The following CEP112 variants were observed in gnomAD, a reference collection of about 807,000 sequenced individuals.
CEP112 encodes the protein centrosomal protein 112, also known as centrosomal protein of 112 kDa.
Under a neutral mutation model 153.0 loss-of-function variants are expected in CEP112, and 127 were observed. That is an observed-to-expected ratio of 0.83 (90% confidence interval 0.72 to 0.96). CEP112 has a LOEUF of 0.96. Ranked by LOEUF, CEP112 falls within the 40% of genes least tolerant of loss-of-function variation. The pLI, the probability that CEP112 is intolerant of heterozygous loss-of-function variation, is 0.00. For synonymous variants in CEP112, 358 were observed against 374.4 expected (o/e 0.96, Z 0.51); for missense variants, 1,089 against 1,101.2 (o/e 0.99, Z 0.16).
At chr17:66,060,880 G>A (rs1437269568) in intron 11 of CEP112, among the ~76,000 whole-genome samples, 1 of 124,500 alleles carries the variant, frequency 8.0e-6, no homozygotes, top group Non-Finnish European at 1.7e-5. Flanking sequence ...CAAAGCACAG[G>A]CAACAAAAGC....
At chr17:65,710,556 T>C (rs574379662) in intron 23 of CEP112, among the ~76,000 whole-genome samples, 1 of 152,258 alleles carries the variant, frequency 6.6e-6, no homozygotes, top group South Asian at 2.1e-4. Context: ...TTGCCCTAAA[T>C]GGTATGTTTA....
At chr17:66,012,537 A>T (rs2064578888) in intron 16 of CEP112, among the ~76,000 whole-genome samples, 1 of 152,178 alleles carries the variant, frequency 6.6e-6, no homozygotes, top group African/African-American at 2.4e-5. Flanking sequence ...CTTTTCCTTA[A>T]GAATGCTGAA....
intron 17 of CEP112, among the ~76,000 whole-genome samples, chr17:65,994,957 A>T (rs1486339775): frequency 6.6e-6 from 1 of 152,044 alleles, no homozygotes; most frequent in Non-Finnish European, 1.5e-5. Flanking sequence ...CCCTGAACTA[A>T]ACATCTTTCA....
At chr17:65,911,299 A>G (rs1407238883) in intron 19 of CEP112, among the ~76,000 whole-genome samples, 1 of 152,200 alleles carries the variant, frequency 6.6e-6, no homozygotes, top group Non-Finnish European at 1.5e-5. Flanking sequence ...CAAAATATAA[A>G]TGTTATAAAC....
chr17:66,098,653 A>G (rs1398768758), intron 6 of CEP112, among the ~76,000 whole-genome samples: 1 of 152,238 alleles, frequency 6.6e-6, no homozygotes, highest in Non-Finnish European at 1.5e-5. Context: ...GGAAATACAC[A>G]AAACAATTTT....
intron 12 of CEP112, among the ~76,000 whole-genome samples, chr17:66,050,900 G>A (rs1168328879): frequency 1.3e-5 from 2 of 152,128 alleles, no homozygotes; most frequent in Non-Finnish European, 2.9e-5. Context: ...GTCCATCAGG[G>A]CTTACACCTT....
At chr17:65,807,227 G>A (rs2055660949) in intron 21 of CEP112, among the ~76,000 whole-genome samples, 4 of 152,196 alleles carry the variant, frequency 2.6e-5, no homozygotes, top group Admixed American at 2.6e-4. Context: ...AGGGTATCAG[G>A]TGGAAGAAAT....
chr17:65,826,365 G>A (rs1568076313), intron 21 of CEP112: 7 of 1,593,216 alleles, frequency 4.4e-6, no homozygotes, highest in Non-Finnish European at 6.0e-6. Flanking sequence ...CTGTAGGGCA[G>A]GCAGAACTTC....
chr17:65,681,540 A>T (rs1245008303), intron 24 of CEP112, among the ~76,000 whole-genome samples: 1 of 150,408 alleles, frequency 6.6e-6, no homozygotes, highest in Non-Finnish European at 1.5e-5. Flanking sequence ...AGCATCTAGG[A>T]TGCAACATCT....
chr17:65,673,248 C>T (rs577368076), intron 24 of CEP112, among the ~76,000 whole-genome samples: 122 of 152,254 alleles, frequency 8.0e-4, no homozygotes, highest in Admixed American at 2.3e-3. Flanking sequence ...CTTGCGACTG[C>T]TATTCCTCAT....
chr17:65,890,698 T>C (rs915811115), intron 20 of CEP112, among the ~76,000 whole-genome samples: 2 of 152,152 alleles, frequency 1.3e-5, no homozygotes, highest in African/African-American at 4.8e-5. Context: ...GTACAGTCAA[T>C]GTTTCTAGAC....
At chr17:65,748,991 T>G (rs985447160) in intron 22 of CEP112, among the ~76,000 whole-genome samples, 8 of 152,350 alleles carry the variant, frequency 5.3e-5, no homozygotes, top group African/African-American at 1.9e-4. Context: ...CTGGGGATTT[T>G]TAATGTTTTA....
At chr17:66,120,127 A>G (rs2069504970) in intron 6 of CEP112, among the ~76,000 whole-genome samples, 5 of 152,134 alleles carry the variant, frequency 3.3e-5, no homozygotes, top group Admixed American at 3.3e-4. Context: ...TAGAATTGGT[A>G]TTATTTCTCC....
intron 4 of CEP112, among the ~76,000 whole-genome samples, chr17:66,157,506 A>G (rs1051450402): frequency 3.9e-5 from 6 of 152,216 alleles, no homozygotes; most frequent in African/African-American, 1.4e-4. Context: ...TCATAATGAC[A>G]GGATCAAATT....
chr17:65,860,608 A>T (rs554496427), intron 20 of CEP112, among the ~76,000 whole-genome samples: 1 of 152,258 alleles, frequency 6.6e-6, no homozygotes, highest in South Asian at 2.1e-4. Context: ...CACACTGGAC[A>T]GAGCTGGCAT....
At chr17:66,150,342 CAT>C (rs1163366788) in intron 4 of CEP112, among the ~76,000 whole-genome samples, 8 of 151,080 alleles carry the variant, frequency 5.3e-5, no homozygotes, top group East Asian at 1.9e-4. Flanking sequence ...GGACTACAGA[CAT>C]GTGCCACCAT....
At chr17:65,744,436 C>CA in intron 22 of CEP112, among the ~76,000 whole-genome samples, 1 of 151,980 alleles carries the variant, frequency 6.6e-6, no homozygotes, top group South Asian at 2.1e-4. Flanking sequence ...TTAGTAGAGA[C>CA]GAGTTTCACC....
At chr17:65,723,107 C>T (rs772479044) in intron 23 of CEP112, among the ~76,000 whole-genome samples, 1 of 152,196 alleles carries the variant, frequency 6.6e-6, no homozygotes, top group Non-Finnish European at 1.5e-5. Context: ...CACAATCCAT[C>T]TTGTGATGTT....
At chr17:66,134,214 T>A (rs1598416132) in intron 4 of CEP112, among the ~76,000 whole-genome samples, 2 of 152,276 alleles carry the variant, frequency 1.3e-5, no homozygotes, top group African/African-American at 4.8e-5. Flanking sequence ...AATTTAAAAA[T>A]GAGCCTGAAA....
Sources: allele counts gnomAD v4.1 joint callset (sites outside exome capture counted in the v4.1 genomes callset), GRCh38; gene constraint gnomAD v4.1.1; transcripts MANE v1.5; gene names NCBI Gene and HGNC (gene_info 2026-07-23, HGNC 2026-07-21).